CDH10: variants seen among roughly 807,000 people sequenced by gnomAD.
CDH10 encodes cadherin 10.
In CDH10, 30 loss-of-function variants were observed where a neutral mutation model predicts 73.1. That is an observed-to-expected ratio of 0.41 (90% CI 0.31 to 0.56). The LOEUF (loss-of-function observed/expected upper bound fraction) is 0.56. Ranked by LOEUF, CDH10 falls within the 20% of genes least tolerant of loss-of-function variation. The probability of loss-of-function intolerance (pLI) is 0.27; values close to 1 mark genes in which losing one functional copy is unlikely to be tolerated. For missense variants in CDH10, 815 were observed against 973.7 expected (o/e 0.84, Z 2.17); for synonymous variants, 345 against 348.2 (o/e 0.99, Z 0.10).
chr5:24,600,098 T>C (rs559299932), intron 1 of CDH10, among the ~76,000 whole-genome samples: 2 of 152,314 alleles, frequency 1.3e-5, no homozygotes, highest in African/African-American at 4.8e-5. Flanking sequence ...GTACTTACAT[T>C]GTAGTTTTCA....
intron 2 of CDH10, among the ~76,000 whole-genome samples, chr5:24,543,499 C>G (rs184054611): frequency 6.6e-6 from 1 of 152,064 alleles, no homozygotes; most frequent in East Asian, 1.9e-4. Context: ...TTTCAATTTA[C>G]AGTGATAATT....
intron 5 of CDH10, among the ~76,000 whole-genome samples, chr5:24,534,744 T>C (rs934102335): frequency 2.0e-5 from 3 of 152,134 alleles, no homozygotes; most frequent in Non-Finnish European, 4.4e-5. Flanking sequence ...TTTATTTAAT[T>C]TGAAACAGAA....
chr5:24,593,766 T>C (rs997122661), intron 1 of CDH10, among the ~76,000 whole-genome samples, 153 bp from the exon 2 acceptor site: 3 of 152,086 alleles, frequency 2.0e-5, no homozygotes, highest in South Asian at 2.1e-4. Context: ...TTGAGAAATA[T>C]TACTTGTCTA....
At chr5:24,510,058 G>A (rs112755450) in intron 6 of CDH10, among the ~76,000 whole-genome samples, 34 of 152,224 alleles carry the variant, frequency 2.2e-4, no homozygotes, top group African/African-American at 7.7e-4. Flanking sequence ...TTTAAACCTT[G>A]GAAAAATTGG....
At position 24,531,175 on chromosome 5, in the gene CDH10, T is replaced by A. The variant is rs61504633; in HGVS notation, c.814+3937A>T. 1.6e-3 allele frequency among the ~76,000 whole-genome samples: 249 copies of A among 152,184 alleles called. 1 individual carries two copies. Among genetic ancestry groups the A allele is most frequent in the African/African-American group, 5.6e-3 (231 of 41,558 alleles). ...TGCAGTGTTCAGGTGAAATATCACC[T>A]TTTGAATGACAGCTTCTATTAGCCT... is the stretch of plus-strand genomic sequence containing the variant. On this transcript the variant is annotated intron_variant, in intron 5 of 11. Coordinates refer to ENST00000264463, the MANE Select transcript of CDH10 (RefSeq NM_006727.5).
At position 24,570,981 on chromosome 5, in the gene CDH10, T is replaced by C. The variant is rs940987427; in HGVS notation, c.231+22279A>G. On this transcript the variant is annotated intron_variant, in intron 2 of 11. Transcript: ENST00000264463. ...TATTACCTATTTTAATAAAGACTTG[T>C]TCCTGATGACGTGTTTTAAAATTTG... Among the ~76,000 whole-genome samples the C allele has an allele frequency of 4.6e-5, 7 of 152,168 alleles. No individual in the cohort carries two copies. In the South Asian group the frequency reaches 6.2e-4, roughly 14 times the overall value.
At chr5:24,635,437 T>A (rs1374351341) in intron 1 of CDH10, among the ~76,000 whole-genome samples, 1 of 151,998 alleles carries the variant, frequency 6.6e-6, no homozygotes, top group Non-Finnish European at 1.5e-5. Flanking sequence ...TTATGCTTTT[T>A]TCCTCCTCTC....
chr5:24,513,556 TC>T (rs1366873832), intron 5 of CDH10, among the ~76,000 whole-genome samples: 4 of 152,162 alleles, frequency 2.6e-5, no homozygotes, highest in Admixed American at 2.6e-4. Context: ...AGCCACCCAT[TC>T]TGTAAGACTT....
chr5:24,528,209 AG>A (rs1743600451), intron 5 of CDH10, among the ~76,000 whole-genome samples: 1 of 151,884 alleles, frequency 6.6e-6, no homozygotes, highest in African/African-American at 2.4e-5. Context: ...TTTGCATGTA[AG>A]TAGGTTCATT....
chr5:24,513,031 T>G (rs188101408), intron 5 of CDH10, among the ~76,000 whole-genome samples: 301 of 137,594 alleles, frequency 2.2e-3, no homozygotes, highest in Middle Eastern at 0.011. Flanking sequence ...GTTTCTTTTC[T>G]TTTTTTTTCT....
chr5:24,524,106 A>G (rs1299963097), intron 5 of CDH10, among the ~76,000 whole-genome samples: 1 of 152,142 alleles, frequency 6.6e-6, no homozygotes, highest in East Asian at 1.9e-4. Flanking sequence ...ACAAATTTAT[A>G]TTCAGTTCCC....
intron 8 of CDH10, among the ~76,000 whole-genome samples, chr5:24,498,888 T>G (rs1742389327): frequency 6.6e-6 from 1 of 152,190 alleles, no homozygotes; most frequent in Non-Finnish European, 1.5e-5. Context: ...TTAACCTTTT[T>G]TGGATGAAGA....
chr5:24,509,134 C>T (rs75102213), intron 7 of CDH10, among the ~76,000 whole-genome samples: 1 of 147,392 alleles, frequency 6.8e-6, no homozygotes, highest in Non-Finnish European at 1.5e-5. Flanking sequence ...ACTCTTGTAT[C>T]TTCCATCGCA....
intron 5 of CDH10, among the ~76,000 whole-genome samples, chr5:24,527,420 C>T (rs1743575289): frequency 6.6e-6 from 1 of 150,576 alleles, no homozygotes; most frequent in South Asian, 2.1e-4. Flanking sequence ...TTTATACATA[C>T]ATACACAAAA....
In CDH10 at chr5:24,564,357, G is replaced by A. The variant is rs1412947529; in HGVS notation, c.232-26683C>T. On this transcript the variant is annotated intron_variant, in intron 2 of 11. Coordinates refer to ENST00000264463, the MANE Select transcript of CDH10 (RefSeq NM_006727.5). Reference sequence around the variant, plus strand: ...TAATTGGCATATAGAAACATTACTGGTGGTGGCATTCATCCTTCTTACAGG... The same window carrying A: ...TAATTGGCATATAGAAACATTACTGATGGTGGCATTCATCCTTCTTACAGG... Among the ~76,000 whole-genome samples the A allele has an allele frequency of 7.2e-5, 11 of 152,152 alleles. 1 individual carries two copies. Among genetic ancestry groups the A allele is most frequent in the Admixed American group, 7.2e-4 (11 of 15,268 alleles).
intron 8 of CDH10, among the ~76,000 whole-genome samples, chr5:24,499,903 T>A (rs180920403): frequency 7.4e-4 from 113 of 152,262 alleles, no homozygotes; most frequent in Non-Finnish European, 1.0e-3. Context: ...GATATCAATA[T>A]CTCAGTCTTT....
intron 1 of CDH10, among the ~76,000 whole-genome samples, chr5:24,625,567 A>C (rs1376442081): frequency 4.9e-5 from 1 of 20,550 alleles, no homozygotes; most frequent in African/African-American, 6.2e-5. Flanking sequence ...ATATATTCAT[A>C]TATATACATA....
intron 5 of CDH10, among the ~76,000 whole-genome samples, chr5:24,521,203 TCA>T (rs1232301380): frequency 6.6e-6 from 1 of 152,150 alleles, no homozygotes; most frequent in Non-Finnish European, 1.5e-5. Context: ...GTTGGAGTCA[TCA>T]GATGCAGAAC....
At chr5:24,491,090 T>A (rs1742036475) in intron 11 of CDH10, among the ~76,000 whole-genome samples, 1 of 152,138 alleles carries the variant, frequency 6.6e-6, no homozygotes, top group Admixed American at 6.5e-5. Context: ...AGGAAAATAA[T>A]GGGCCAGCAA....
Sources: gnomAD v4.1 joint callset for allele counts (sites outside exome capture counted in the v4.1 genomes callset) on GRCh38, gnomAD v4.1.1 for gene constraint, MANE v1.5 for transcripts, NCBI Gene and HGNC (gene_info 2026-07-23, HGNC 2026-07-21) for gene names.